The following DPYD variants were observed in gnomAD, a reference collection of about 807,000 sequenced individuals.
The protein encoded by DPYD is dihydropyrimidine dehydrogenase.
In DPYD, 109 loss-of-function variants were observed where a neutral mutation model predicts 116.2. The ratio of observed to expected loss-of-function variants is 0.94; its 90% CI spans 0.80 to 1.10. The LOEUF (loss-of-function observed/expected upper bound fraction) is 1.10. DPYD is among the 50% of genes least tolerant of loss of function. DPYD has a pLI of 0.00. For synonymous variants in DPYD, 440 were observed against 432.0 expected, an observed-to-expected ratio of 1.02 and a Z score of -0.23; for missense variants, 1,302 against 1,254.5, an observed-to-expected ratio of 1.04 and a Z score of -0.57.
rs1679366000 is a variant in DPYD, at chr1:97,498,030, T to C, written c.1740+17696A>G. Among the ~76,000 whole-genome samples, 3 of 151,758 alleles carry C rather than the reference T, an allele frequency of 2.0e-5. 1 individual carries two copies. The South Asian group carries it at 6.2e-4, about 31-fold the overall frequency. On this transcript the variant is annotated intron_variant, in intron 13 of 22. Coordinates refer to ENST00000370192, the MANE Select transcript of DPYD (RefSeq NM_000110.4). ...GCTACAACACAGGTAAACCCTGAAA[T>C]ATTATACTAAATACATAAAAGAAAC...
chr1:97,727,367 A>G (rs1663324134), intron 4 of DPYD, among the ~76,000 whole-genome samples: 1 of 151,822 alleles, frequency 6.6e-6, no homozygotes, highest in Non-Finnish European at 1.5e-5. Context: ...GATTATTAGA[A>G]GATATATTTG....
At chr1:97,544,765 T>C (rs1007268213) in intron 12 of DPYD, among the ~76,000 whole-genome samples, 4 of 152,016 alleles carry the variant, frequency 2.6e-5, no homozygotes, top group African/African-American at 9.7e-5. Context: ...TGTTTATTCA[T>C]TTTAATTTAA....
chr1:97,173,940 T>C (rs370932537), intron 20 of DPYD, among the ~76,000 whole-genome samples: 1 of 151,030 alleles, frequency 6.6e-6, no homozygotes, highest in Admixed American at 6.6e-5. Flanking sequence ...CCCTACAAAA[T>C]GCACAAAGTG....
chr1:97,798,321 A>G (rs564231391), intron 3 of DPYD, among the ~76,000 whole-genome samples: 1 of 152,050 alleles, frequency 6.6e-6, no homozygotes, highest in Admixed American at 6.6e-5. Flanking sequence ...TTAAACTTTT[A>G]TAACCATCTA....
At chr1:97,901,926 T>C (rs1673388612) in intron 1 of DPYD, among the ~76,000 whole-genome samples, 1 of 151,792 alleles carries the variant, frequency 6.6e-6, no homozygotes, top group Non-Finnish European at 1.5e-5. Flanking sequence ...AAATTCTGGG[T>C]TTAATATTTA....
intron 8 of DPYD, among the ~76,000 whole-genome samples, chr1:97,632,680 A>T (rs1657341082): frequency 6.6e-6 from 1 of 152,138 alleles, no homozygotes; most frequent in African/African-American, 2.4e-5. Flanking sequence ...ACTGATTGAA[A>T]TGTTGTGCAA....
At chr1:97,097,043 G>C (rs960532020) in intron 21 of DPYD, among the ~76,000 whole-genome samples, 1 of 152,116 alleles carries the variant, frequency 6.6e-6, no homozygotes, top group Non-Finnish European at 1.5e-5. Context: ...AAAAAGGCTC[G>C]TGAAGGGCTG....
rs1488563997 is a variant in DPYD, at chr1:97,920,936, G to A, written c.-14C>T. ...CACAGGGGCCATGGCAGTGCCTACA[G>A]TCTCGAGTCTGCCAGTGACAAACCC... On this transcript the variant is annotated 5_prime_UTR_variant, in exon 1 of 23. Coordinates refer to ENST00000370192, the MANE Select transcript of DPYD (RefSeq NM_000110.4). 6.3e-7 allele frequency: 1 copy of A among 1,580,478 alleles called. No individual in the cohort carries two copies. The highest frequency in any genetic ancestry group is 8.6e-7 in the Non-Finnish European group (1 of 1,163,642).
intron 8 of DPYD, among the ~76,000 whole-genome samples, chr1:97,664,350 A>G (rs1433487790): frequency 6.6e-6 from 1 of 151,908 alleles, no homozygotes; most frequent in Non-Finnish European, 1.5e-5. Flanking sequence ...GTATATATAT[A>G]TAGCTATAGG....
chr1:97,415,304 C>T (rs1479237205), intron 14 of DPYD, among the ~76,000 whole-genome samples: 1 of 152,128 alleles, frequency 6.6e-6, no homozygotes, highest in East Asian at 1.9e-4. Flanking sequence ...TCACAATCTC[C>T]AGCCTCAATG....
intron 7 of DPYD, among the ~76,000 whole-genome samples, chr1:97,681,163 AAG>A (rs1660408828): frequency 6.6e-6 from 1 of 152,132 alleles, no homozygotes; most frequent in South Asian, 2.1e-4. Context: ...AATGATACTA[AAG>A]GACAAGAGAG....
chr1:97,123,063 G>C (rs1392301849), intron 20 of DPYD, among the ~76,000 whole-genome samples: 1 of 152,088 alleles, frequency 6.6e-6, no homozygotes, highest in Non-Finnish European at 1.5e-5. Context: ...TAACTACCAT[G>C]TGGCCAGGGA....
In DPYD at chr1:97,540,362, CA is replaced by C. The variant is rs1314639713; in HGVS notation, c.1524+9197del. Among the ~76,000 whole-genome samples the C allele has an allele frequency of 1.6e-4, 17 of 103,152 alleles. 2 individuals are homozygous for C. In the South Asian group the frequency reaches 3.1e-3, roughly 19 times the overall value. 67.7% of individuals were successfully genotyped at this position (103,152 alleles called of 152,430 possible). ...GTGGGGGTGGCGGCGGGGCAGGGAACAAAACAAAACAAAACAAAACAAAACA... is the reference window on the plus strand; with the variant it reads ...GTGGGGGTGGCGGCGGGGCAGGGAACAAACAAAACAAAACAAAACAAAACA... On this transcript the variant is annotated intron_variant, in intron 12 of 22. Coordinates refer to ENST00000370192, the MANE Select transcript of DPYD (RefSeq NM_000110.4).
chr1:97,142,067 T>A (rs913996415), intron 20 of DPYD, among the ~76,000 whole-genome samples: 3 of 152,160 alleles, frequency 2.0e-5, no homozygotes, highest in African/African-American at 7.2e-5. Flanking sequence ...ACTAATTAGA[T>A]TTGGAAGCAC....
chr1:97,498,320 T>C (rs923905641), intron 13 of DPYD, among the ~76,000 whole-genome samples: 9 of 151,808 alleles, frequency 5.9e-5, no homozygotes, highest in African/African-American at 1.9e-4. Context: ...ACGTAAATTA[T>C]AAAAACAAAT....
At chr1:97,653,300 C>A (rs922106073) in intron 8 of DPYD, among the ~76,000 whole-genome samples, 9 of 149,718 alleles carry the variant, frequency 6.0e-5, no homozygotes, top group Non-Finnish European at 1.3e-4. Context: ...TTGTTTCTTT[C>A]TCCTTTTTTT....
At chr1:97,574,829 C>A (rs1391444089) in intron 10 of DPYD, among the ~76,000 whole-genome samples, 1 of 151,988 alleles carries the variant, frequency 6.6e-6, no homozygotes, top group Admixed American at 6.6e-5. Flanking sequence ...GGGATGTTGT[C>A]TTATTATTTT....
At chr1:97,116,307 A>T (rs750226001) in intron 20 of DPYD, among the ~76,000 whole-genome samples, 2 of 152,110 alleles carry the variant, frequency 1.3e-5, no homozygotes, top group Non-Finnish European at 2.9e-5. Context: ...ACTGCCTTTT[A>T]ACGGGGGGGC....
At chr1:97,523,273 T>A (rs997540165) in intron 12 of DPYD, among the ~76,000 whole-genome samples, 1 of 152,190 alleles carries the variant, frequency 6.6e-6, no homozygotes, top group Non-Finnish European at 1.5e-5. Flanking sequence ...AAGTCCTTCC[T>A]AGACATAAGA....
Sources: gnomAD v4.1 joint callset for allele counts (sites outside exome capture counted in the v4.1 genomes callset) on GRCh38, gnomAD v4.1.1 for gene constraint, MANE v1.5 for transcripts, NCBI Gene and HGNC (gene_info 2026-07-23, HGNC 2026-07-21) for gene names.